The following PLXNA4 variants were observed in gnomAD, a reference collection of about 807,000 sequenced individuals.
The protein encoded by PLXNA4 is plexin-A4.
A neutral mutation model predicts 191.8 loss-of-function variants in PLXNA4; 44 were observed. The observed-to-expected ratio is 0.23, with a 90% CI of 0.18 to 0.29. PLXNA4 has a LOEUF of 0.29. Ranked by LOEUF, PLXNA4 falls within the 10% of genes least tolerant of loss-of-function variation. The probability of loss-of-function intolerance (pLI) is 1.00; values close to 1 mark genes in which losing one functional copy is unlikely to be tolerated. For synonymous variants in PLXNA4, 1,082 were observed against 1,009.5 expected (o/e 1.07, Z -1.36); for missense variants, 1,800 against 2,488.8 (o/e 0.72, Z 5.89).
intron 4 of PLXNA4, among the ~76,000 whole-genome samples, chr7:132,269,219 A>G (rs1799968551): frequency 6.6e-6 from 1 of 152,154 alleles, no homozygotes; most frequent in South Asian, 2.1e-4. Flanking sequence ...GGCCATTTGA[A>G]TGTAGGTGTA....
chr7:132,596,086 G>T (rs1299665618), intron 2 of PLXNA4, among the ~76,000 whole-genome samples: 3 of 152,064 alleles, frequency 2.0e-5, no homozygotes, highest in African/African-American at 7.2e-5. Flanking sequence ...TGGTTGTAGT[G>T]TCTGTTGACT....
chr7:132,482,970 G>A (rs1563125078), intron 3 of PLXNA4, among the ~76,000 whole-genome samples: 1 of 151,956 alleles, frequency 6.6e-6, no homozygotes, highest in East Asian at 1.9e-4. Context: ...GGATTACAGG[G>A]GTGAGCCACC....
chr7:132,593,001 A>C (rs1802631138), intron 2 of PLXNA4, among the ~76,000 whole-genome samples: 1 of 152,260 alleles, frequency 6.6e-6, no homozygotes. Flanking sequence ...TAAATTAGTT[A>C]AGAGTGATCT....
chr7:132,433,750 A>T (rs1282778984), intron 3 of PLXNA4, among the ~76,000 whole-genome samples: 2 of 152,152 alleles, frequency 1.3e-5, no homozygotes, highest in African/African-American at 2.4e-5. Flanking sequence ...CTGAGCAAGG[A>T]GATAAAAGGA....
chr7:132,383,660 C>T lies in PLXNA4; in HGVS notation c.1372-85438G>A, dbSNP rs1203468047. 4.1e-6 allele frequency: 4 copies of T among 982,452 alleles called. No individual in the cohort carries two copies. The African/African-American group carries it at 5.2e-5, about 13-fold the overall frequency. 60.9% of individuals were successfully genotyped at this position (982,452 alleles called of 1,614,324 possible). A position where few individuals can be genotyped will look rare whatever the true frequency, so the allele number is the denominator to read the frequency against. ...TATACCAAATCTACCTAACCATTCT[C>T]CTATAAATGAGTGTATATATCAATT... is the stretch of plus-strand genomic sequence containing the variant. On this transcript the variant is annotated intron_variant, in intron 3 of 31. Coordinates refer to ENST00000321063, the MANE Select transcript of PLXNA4 (RefSeq NM_020911.2).
intron 1 of PLXNA4, among the ~76,000 whole-genome samples, chr7:132,531,526 T>A (rs1339513284): frequency 6.6e-6 from 1 of 152,200 alleles, no homozygotes; most frequent in African/African-American, 2.4e-5. Flanking sequence ...AATAGAATAG[T>A]GTTTTTCATC....
At chr7:132,149,362 A>C (rs547587810) in intron 25 of PLXNA4, among the ~76,000 whole-genome samples, 1 of 152,314 alleles carries the variant, frequency 6.6e-6, no homozygotes, top group Admixed American at 6.5e-5. Flanking sequence ...TTACTGATGG[A>C]TCACACATGG....
chr7:132,267,128 C>A (rs1000265239), intron 4 of PLXNA4, among the ~76,000 whole-genome samples: 1 of 152,134 alleles, frequency 6.6e-6, no homozygotes, highest in African/African-American at 2.4e-5. Context: ...GGAGCAAATT[C>A]CACACTATCT....
chr7:132,202,562 C>A, intron 12 of PLXNA4, 84 bp downstream of exon 12: 1 of 1,342,418 alleles, frequency 7.4e-7, no homozygotes, highest in African/African-American at 1.5e-5. Flanking sequence ...TGACCGACAC[C>A]ACGGCTGGGC....
intron 1 of PLXNA4, among the ~76,000 whole-genome samples, chr7:132,524,742 T>A (rs920267468): frequency 6.6e-6 from 1 of 152,104 alleles, no homozygotes. Context: ...TAATTTTTTA[T>A]ATTTTTAGTA....
At chr7:132,492,322 T>A (rs1483289524) in intron 2 of PLXNA4, among the ~76,000 whole-genome samples, 1 of 152,150 alleles carries the variant, frequency 6.6e-6, no homozygotes, top group Non-Finnish European at 1.5e-5. Context: ...ATTCTTCCCC[T>A]TGGCTGGGCA....
At chr7:132,160,789 GTCTC>G (rs941335257) in intron 24 of PLXNA4, among the ~76,000 whole-genome samples, 10 of 152,130 alleles carry the variant, frequency 6.6e-5, no homozygotes, top group African/African-American at 2.4e-4. Flanking sequence ...CCAGACAGCA[GTCTC>G]TCTCCCACTC....
chr7:132,348,552 A>G lies in PLXNA4; in HGVS notation c.1372-50330T>C, dbSNP rs184483111. The stretch of plus-strand genomic sequence containing the variant: ...GTATTTGTACAACAGGCTGAGGTCA[A>G]TGGAGAGGTTGTTCCCAGCTGCAAG... On this transcript the variant is annotated intron_variant, in intron 3 of 31. Transcript: ENST00000321063. Among the ~76,000 whole-genome samples, 486 of 152,328 alleles carry G rather than the reference A, an allele frequency of 3.2e-3. 1 individual carries two copies. Among genetic ancestry groups the G allele is most frequent in the Non-Finnish European group, 5.8e-3 (392 of 68,022 alleles).
At chr7:132,356,556 T>C (rs1803714179) in intron 3 of PLXNA4, among the ~76,000 whole-genome samples, 1 of 152,224 alleles carries the variant, frequency 6.6e-6, no homozygotes, top group Admixed American at 6.5e-5. Context: ...CTCTCTTCAC[T>C]ACCTGCTTTG....
chr7:132,489,590 A>C, intron 2 of PLXNA4, 116 bp from the exon 3 acceptor site: 1 of 955,016 alleles, frequency 1.0e-6, no homozygotes, highest in Non-Finnish European at 1.5e-6. Context: ...TCTGGTAACA[A>C]TCCCTCTTTT....
intron 3 of PLXNA4, among the ~76,000 whole-genome samples, chr7:132,322,940 C>T (rs1353900127): frequency 6.6e-6 from 1 of 152,200 alleles, no homozygotes; most frequent in Non-Finnish European, 1.5e-5. Context: ...ACTGGGTCCC[C>T]TCTAGGCAAT....
intron 4 of PLXNA4, among the ~76,000 whole-genome samples, chr7:132,266,888 T>A (rs1020711083): frequency 6.6e-6 from 1 of 152,218 alleles, no homozygotes; most frequent in Non-Finnish European, 1.5e-5. Flanking sequence ...GGATTAATCT[T>A]GTGTATGGGC....
intron 3 of PLXNA4, among the ~76,000 whole-genome samples, chr7:132,383,324 T>C (rs1804976554): frequency 6.6e-6 from 1 of 152,228 alleles, no homozygotes. Context: ...CCCTCAGACT[T>C]AAATGCTACC....
chr7:132,616,818 G>C (rs1464535959), intron 2 of PLXNA4, among the ~76,000 whole-genome samples: 3 of 152,168 alleles, frequency 2.0e-5, no homozygotes, highest in African/African-American at 4.8e-5. Context: ...GGTCATCTCT[G>C]TGGTAGACTG....
Sources: allele counts gnomAD v4.1 joint callset (sites outside exome capture counted in the v4.1 genomes callset), GRCh38; gene constraint gnomAD v4.1.1; transcripts MANE v1.5; gene names NCBI Gene and HGNC (gene_info 2026-07-23, HGNC 2026-07-21).